The following CEP350 variants were observed in gnomAD, a reference collection of about 807,000 sequenced individuals.
CEP350 encodes the protein centrosome-associated protein 350.
Under a neutral mutation model 331.8 loss-of-function variants are expected in CEP350, and 126 were observed. That is an observed-to-expected ratio of 0.38 (90% CI 0.33 to 0.44). CEP350 has a LOEUF of 0.44. CEP350 is among the 20% of genes least tolerant of loss of function. The pLI is 1.00. For missense variants in CEP350, 3,406 were observed against 3,634.6 expected (o/e 0.94, Z 1.62); for synonymous variants, 1,200 against 1,259.5 (o/e 0.95, Z 1.00).
At chr1:180,090,632 C>A in intron 32 of CEP350, 82 bp from the exon 33 acceptor site, 3 of 1,163,194 alleles carry the variant, frequency 2.6e-6, no homozygotes, top group Non-Finnish European at 2.3e-6. Context: ...AGGAAAGAAG[C>A]AGTTGTCTAA....
chr1:180,022,671 C>T lies in CEP350; in HGVS notation c.3236-27C>T, dbSNP rs375548828. The T allele has an allele frequency of 2.3e-5, 37 of 1,596,388 alleles. No individual in the cohort carries two copies. In the Middle Eastern group the frequency reaches 1.7e-3, roughly 71 times the overall value. On this transcript the variant is annotated intron_variant, in intron 12 of 37. Coordinates refer to ENST00000367607, the MANE Select transcript of CEP350 (RefSeq NM_014810.5). Reference sequence around the variant, plus strand: ...ACAGTTTCTTGATTTTCGTTTTTAACCATGTTTCAATTATTACTTTTGTCA... The same window carrying T: ...ACAGTTTCTTGATTTTCGTTTTTAATCATGTTTCAATTATTACTTTTGTCA...
chr1:180,006,582 C>T lies in CEP350; in HGVS notation c.1246+15C>T. The T allele has an allele frequency of 1.7e-6, 2 of 1,181,098 alleles. No individual in the cohort carries two copies. Among genetic ancestry groups the T allele is most frequent in the Non-Finnish European group, 1.2e-6 (1 of 821,046 alleles). The allele number at this position is 1,181,098 out of a possible 1,614,324, so 73.2% of individuals were successfully genotyped here. A position where few individuals can be genotyped will look rare whatever the true frequency, so the allele number is the denominator to read the frequency against. The stretch of plus-strand genomic sequence containing the variant: ...ATGCAGAACAGGTTAGTTTTCTCAA[C>T]ATGTCCATCCTTTTTTTTTGTTTTT... On this transcript the variant is annotated intron_variant, in intron 8 of 37. Transcript: ENST00000367607.
At chr1:180,010,611 T>C (rs904938795) in intron 8 of CEP350, among the ~76,000 whole-genome samples, 6 of 151,734 alleles carry the variant, frequency 4.0e-5, no homozygotes, top group African/African-American at 1.5e-4. Flanking sequence ...TCTTTCTTTT[T>C]TTTTTTCTGA....
chr1:180,100,614 G>A (rs1198054631), intron 37 of CEP350, among the ~76,000 whole-genome samples: 1 of 152,144 alleles, frequency 6.6e-6, no homozygotes, highest in African/African-American at 2.4e-5. Context: ...GCAGAAACCA[G>A]CCATTAATAT....
intron 25 of CEP350, among the ~76,000 whole-genome samples, chr1:180,057,737 G>A (rs559849504): frequency 6.6e-6 from 1 of 152,228 alleles, no homozygotes; most frequent in South Asian, 2.1e-4. Context: ...CAAAGATTGT[G>A]CTGGGTTAGG....
intron 36 of CEP350, among the ~76,000 whole-genome samples, chr1:180,097,512 C>G (rs1262448624): frequency 6.6e-6 from 1 of 152,138 alleles, no homozygotes; most frequent in Non-Finnish European, 1.5e-5. Flanking sequence ...CCAGGTGATT[C>G]TGATTCATAA....
At chr1:179,976,619 A>G (rs1028193596) in intron 1 of CEP350, among the ~76,000 whole-genome samples, 11 of 151,668 alleles carry the variant, frequency 7.3e-5, no homozygotes, top group Non-Finnish European at 1.2e-4. Flanking sequence ...GCGCCACTGC[A>G]CTACAGCCTG....
chr1:180,103,744 AT>A (rs1284658715), intron 37 of CEP350, among the ~76,000 whole-genome samples: 1 of 151,864 alleles, frequency 6.6e-6, no homozygotes, highest in Non-Finnish European at 1.5e-5. Flanking sequence ...AGCTTTCCCA[AT>A]TCTCTATGGA....
At chr1:180,073,147 C>T (rs981535254) in intron 27 of CEP350, among the ~76,000 whole-genome samples, 3 of 151,868 alleles carry the variant, frequency 2.0e-5, no homozygotes, top group African/African-American at 7.3e-5. Context: ...ATCCTGATAT[C>T]TTATAGAATG....
intron 17 of CEP350, among the ~76,000 whole-genome samples, chr1:180,037,825 A>G (rs1656474650): frequency 6.6e-6 from 1 of 151,716 alleles, no homozygotes; most frequent in African/African-American, 2.4e-5. Context: ...AATTTTTTGT[A>G]TTTTTACTAG....
At chr1:179,992,808 C>G (rs907128994) in intron 5 of CEP350, among the ~76,000 whole-genome samples, 1 of 152,096 alleles carries the variant, frequency 6.6e-6, no homozygotes, top group Non-Finnish European at 1.5e-5. Context: ...GATAAACTTA[C>G]AGAATTTTGT....
rs1408952059 is a variant in CEP350, at chr1:180,087,694, C to G, written c.6402C>G (p.Ile2134Met). 6.3e-7 allele frequency: 1 copy of G among 1,584,714 alleles called. No homozygotes were observed. The highest frequency in any genetic ancestry group is 1.2e-5 in the South Asian group (1 of 86,406). ...TLSSASEKPK[I>M]KPLTPLHRSE... ...CCTCAGCTTCTGAAAAACCCAAGAT[C>G]AAACCCCTCACACCACTACACAGGT... The change falls in exon 32 of 38, where the codon ATC (isoleucine) becomes ATG (methionine). Residue 2134 changes from isoleucine to methionine, a missense_variant. Transcript: ENST00000367607.
At chr1:180,019,083 T>C (rs772240005) in intron 11 of CEP350, among the ~76,000 whole-genome samples, 3 of 152,152 alleles carry the variant, frequency 2.0e-5, no homozygotes, top group African/African-American at 7.2e-5. Context: ...TCTCAAACTC[T>C]TGGCCTCAAG....
intron 30 of CEP350, among the ~76,000 whole-genome samples, chr1:180,081,920 CAT>C (rs1266980788): frequency 6.6e-6 from 1 of 152,156 alleles, no homozygotes; most frequent in Non-Finnish European, 1.5e-5. Context: ...AAAGTTGTCT[CAT>C]ATTTCTCTGT....
At chr1:180,062,747 C>T (rs1658303874) in intron 26 of CEP350, among the ~76,000 whole-genome samples, 1 of 152,156 alleles carries the variant, frequency 6.6e-6, no homozygotes, top group Admixed American at 6.5e-5. Flanking sequence ...TATTAAGCCA[C>T]TAAAGTCCAA....
chr1:179,971,120 C>T (rs1651422319), intron 1 of CEP350, among the ~76,000 whole-genome samples: 1 of 151,414 alleles, frequency 6.6e-6, no homozygotes, highest in Admixed American at 6.6e-5. Flanking sequence ...CCTCTGCCTC[C>T]CGGGTTTAAG....
At chr1:180,008,233 C>T (rs1411903801) in intron 8 of CEP350, among the ~76,000 whole-genome samples, 1 of 152,172 alleles carries the variant, frequency 6.6e-6, no homozygotes, top group African/African-American at 2.4e-5. Flanking sequence ...AGATAATTCT[C>T]TAGTTCCATA....
Position 180,073,806 on chromosome 1 carries a change from A to G in CEP350, c.5568-1216A>G, listed in dbSNP as rs74132538. The G allele has an allele frequency of 7.3e-4, 958 of 1,303,892 alleles. 5 individuals are homozygous for G. The African/African-American group carries it at 0.01, about 14-fold the overall frequency. The allele number at this position is 1,303,892 out of a possible 1,614,324, so 80.8% of individuals were successfully genotyped here. A position where few individuals can be genotyped will look rare whatever the true frequency, so the allele number is the denominator to read the frequency against. ...TGTAGACACTGCTCTCCTGTTCACT[A>G]CTTCTTCTCTGTCTTTACGTCTCAT... On this transcript the variant is annotated intron_variant, in intron 27 of 37. Coordinates refer to ENST00000367607, the MANE Select transcript of CEP350 (RefSeq NM_014810.5).
At chr1:180,024,177 A>G (rs550826228) in intron 13 of CEP350, among the ~76,000 whole-genome samples, 8 of 152,228 alleles carry the variant, frequency 5.3e-5, no homozygotes, top group Non-Finnish European at 1.0e-4. Flanking sequence ...ATTCAACATT[A>G]TACATTTTTC....
Sources: allele counts gnomAD v4.1 joint callset (sites outside exome capture counted in the v4.1 genomes callset), GRCh38; gene constraint gnomAD v4.1.1; transcripts MANE v1.5; gene names NCBI Gene and HGNC (gene_info 2026-07-23, HGNC 2026-07-21).